Variants in GRM7 observed in about 807,000 individuals in gnomAD.
The protein encoded by GRM7 is glutamate metabotropic receptor 7, also known as metabotropic glutamate receptor 7.
Under a neutral mutation model 84.5 loss-of-function variants are expected in GRM7, and 35 were observed. The ratio of observed to expected loss-of-function variants is 0.41; its 90% CI spans 0.32 to 0.55. The LOEUF is 0.55. Among genes scored for constraint, GRM7 ranks in the 20% least tolerant of loss-of-function variants. The probability of loss-of-function intolerance (pLI) is 0.19; values close to 1 mark genes in which losing one functional copy is unlikely to be tolerated. For missense variants in GRM7, 1,003 were observed against 1,194.6 expected, an observed-to-expected ratio of 0.84 and a Z score of 2.36; for synonymous variants, 487 against 455.1, an observed-to-expected ratio of 1.07 and a Z score of -0.89.
At chr3:7,180,423 C>A (rs1005190753) in intron 2 of GRM7, among the ~76,000 whole-genome samples, 1 of 152,152 alleles carries the variant, frequency 6.6e-6, no homozygotes. Flanking sequence ...AATCTGTGGA[C>A]CCGCAGTATT....
At chr3:7,585,645 C>T (rs956818156) in intron 8 of GRM7, among the ~76,000 whole-genome samples, 31 of 152,288 alleles carry the variant, frequency 2.0e-4, no homozygotes, top group African/African-American at 6.5e-4. Context: ...TGCCACCTCC[C>T]GTGGAGAGCT....
intron 1 of GRM7, among the ~76,000 whole-genome samples, chr3:7,136,748 T>C (rs911918348): frequency 6.6e-6 from 1 of 152,130 alleles, no homozygotes; most frequent in East Asian, 1.9e-4. Flanking sequence ...ATTTCTTCAA[T>C]GAATACTGAT....
intron 9 of GRM7, among the ~76,000 whole-genome samples, chr3:7,713,649 A>T (rs1344736190): frequency 6.6e-6 from 1 of 152,122 alleles, no homozygotes; most frequent in Non-Finnish European, 1.5e-5. Flanking sequence ...GCCAGCTCAG[A>T]GAGTAGTTCA....
rs1333158016 is a variant in GRM7, at chr3:6,928,192, G to A, written c.519+66285G>A. 6.6e-6 allele frequency among the ~76,000 whole-genome samples: 1 copy of A among 150,766 alleles called. No homozygotes were observed. Among genetic ancestry groups the A allele is most frequent in the African/African-American group, 2.4e-5 (1 of 40,904 alleles). The stretch of plus-strand genomic sequence containing the variant: ...GCACGTTGCTTGGTTTGCATTAACT[G>A]GGCATTTTCCCAAAATGTCCCTTGG... On this transcript the variant is annotated intron_variant, in intron 1 of 9. Coordinates refer to ENST00000357716, the MANE Select transcript of GRM7 (RefSeq NM_000844.4). This position sits in a 1 kb window ranked among gnomAD's most constrained non-coding sequence, Gnocchi z 4.5.
chr3:7,435,722 C>A (rs995437031), intron 5 of GRM7, among the ~76,000 whole-genome samples: 1 of 138,102 alleles, frequency 7.2e-6, no homozygotes, highest in African/African-American at 2.7e-5. Flanking sequence ...GAGTCTCGCT[C>A]TCTCCCCCAG....
intron 1 of GRM7, among the ~76,000 whole-genome samples, chr3:6,873,459 A>T (rs918006376): frequency 6.6e-6 from 1 of 152,134 alleles, no homozygotes; most frequent in Non-Finnish European, 1.5e-5. Context: ...CCTGCTTTCC[A>T]CTTGCTAACC....
intron 8 of GRM7, among the ~76,000 whole-genome samples, chr3:7,653,023 G>C (rs1424770407): frequency 6.6e-6 from 1 of 151,734 alleles, no homozygotes; most frequent in African/African-American, 2.4e-5. Flanking sequence ...TCCCCGCCTG[G>C]CTAACAATCT....
At chr3:7,609,994 T>C (rs2125078621) in intron 8 of GRM7, among the ~76,000 whole-genome samples, 1 of 152,292 alleles carries the variant, frequency 6.6e-6, no homozygotes, top group African/African-American at 2.4e-5. Context: ...GTTGACGTGG[T>C]TTTACTTAAA....
chr3:7,271,452 G>A (rs1245986514), intron 2 of GRM7, among the ~76,000 whole-genome samples: 10 of 151,454 alleles, frequency 6.6e-5, no homozygotes, highest in African/African-American at 1.9e-4. Flanking sequence ...CCAGCTACTC[G>A]GGAGGCTGAG....
chr3:7,204,089 A>G (rs1355531108), intron 2 of GRM7, among the ~76,000 whole-genome samples: 1 of 152,244 alleles, frequency 6.6e-6, no homozygotes, highest in Non-Finnish European at 1.5e-5. Flanking sequence ...CAATATAGGC[A>G]TAGTATTGCT....
At position 7,298,778 on chromosome 3, in the gene GRM7, C is replaced by A. The variant is rs1462885002; in HGVS notation, c.831C>A (p.Thr277=). The A allele has an allele frequency of 1.1e-5, 18 of 1,613,548 alleles. No individual in the cohort carries two copies. Among genetic ancestry groups the A allele is most frequent in the Admixed American group, 1.7e-5 (1 of 59,996 alleles). ...FDRIIKQLLD[T]PNSRAVVIFA... ...GAATTATCAAACAGCTCCTGGACAC[C>A]CCCAACTCCAGGGCCGTCGTGATTT... Residue 277 remains threonine (T), a synonymous_variant, in exon 3 of 10, where the codon ACC becomes ACA. Coordinates refer to ENST00000357716, the MANE Select transcript of GRM7 (RefSeq NM_000844.4).
chr3:7,540,889 T>G (rs1218320981), intron 7 of GRM7, among the ~76,000 whole-genome samples: 1 of 152,150 alleles, frequency 6.6e-6, no homozygotes, highest in East Asian at 1.9e-4. Flanking sequence ...GAAAGAATGA[T>G]AGGTATAGGC....
intron 7 of GRM7, among the ~76,000 whole-genome samples, chr3:7,544,895 T>G (rs1348374757): frequency 6.6e-6 from 1 of 152,232 alleles, no homozygotes; most frequent in Non-Finnish European, 1.5e-5. Flanking sequence ...TTCTAAAAAT[T>G]TTCGAACCTC....
In GRM7 at chr3:6,928,384, G is replaced by C. The variant is rs1697386489; in HGVS notation, c.519+66477G>C. Among the ~76,000 whole-genome samples the C allele has an allele frequency of 6.6e-6, 1 of 152,086 alleles. No homozygotes were observed. The highest frequency in any genetic ancestry group is 1.5e-5 in the Non-Finnish European group (1 of 68,010). Reference sequence around the variant, plus strand: ...GGAAGGTGGCAATGTTACTCACACAGTGAATTTGCATTGATATTCGATATA... The same window carrying C: ...GGAAGGTGGCAATGTTACTCACACACTGAATTTGCATTGATATTCGATATA... On this transcript the variant is annotated intron_variant, in intron 1 of 9. Coordinates refer to ENST00000357716, the MANE Select transcript of GRM7 (RefSeq NM_000844.4). This position sits in a 1 kb window ranked among gnomAD's most constrained non-coding sequence, Gnocchi z 4.5.
rs190415199 is a variant in GRM7 at position 7,608,728 on chromosome 3, A to C, written c.2451+29371A>C. Among the ~76,000 whole-genome samples, 432 of 152,168 alleles carry C rather than the reference A, an allele frequency of 2.8e-3. 9 individuals are homozygous for C. The highest frequency in any genetic ancestry group is 0.025 in the Admixed American group (376 of 15,286). ...AAGCTTTTCAGTTTAATTAGGTCCC[A>C]ATTGTCAGTTTTTGCTTTTGTCGTG... On this transcript the variant is annotated intron_variant, in intron 8 of 9. Coordinates refer to ENST00000357716, the MANE Select transcript of GRM7 (RefSeq NM_000844.4).
chr3:7,488,981 G>A lies in GRM7; in HGVS notation c.1515+27259G>A, dbSNP rs184212220. 2.0e-3 allele frequency among the ~76,000 whole-genome samples: 309 copies of A among 152,020 alleles called. 2 individuals are homozygous for A. Among genetic ancestry groups the A allele is most frequent in the African/African-American group, 6.4e-3 (264 of 41,460 alleles). On this transcript the variant is annotated intron_variant, in intron 7 of 9. Coordinates refer to ENST00000357716, the MANE Select transcript of GRM7 (RefSeq NM_000844.4). ...GATAGATGTCACTAATACCAACACC[G>A]TCCACAACAAGTAGTAATTCTTACT... is the stretch of plus-strand genomic sequence containing the variant.
At chr3:7,255,500 CA>C (rs1477160513) in intron 2 of GRM7, among the ~76,000 whole-genome samples, 34 of 152,328 alleles carry the variant, frequency 2.2e-4, no homozygotes, top group African/African-American at 8.2e-4. Flanking sequence ...TGATGTGTTA[CA>C]AAAGACTGCT....
intron 1 of GRM7, among the ~76,000 whole-genome samples, chr3:6,910,570 G>A (rs949693273): frequency 3.9e-5 from 6 of 152,114 alleles, no homozygotes; most frequent in African/African-American, 1.4e-4. Flanking sequence ...AATACAGTGA[G>A]CCTATAAAAG....
intron 1 of GRM7, among the ~76,000 whole-genome samples, chr3:6,981,893 G>C (rs1694221058): frequency 6.6e-6 from 1 of 152,158 alleles, no homozygotes; most frequent in African/African-American, 2.4e-5. Flanking sequence ...GCAATTCGTA[G>C]ATTTCTCAAA....
Sources: gnomAD v4.1 joint callset for allele counts (sites outside exome capture counted in the v4.1 genomes callset) on GRCh38, gnomAD v4.1.1 for gene constraint, Gnocchi (gnomAD v3.1) non-coding constraint, MANE v1.5 for transcripts, NCBI Gene and HGNC (gene_info 2026-07-23, HGNC 2026-07-21) for gene names.